PAX5: variants seen among roughly 807,000 people sequenced by gnomAD.
PAX5 encodes the protein paired box protein Pax-5.
A neutral mutation model predicts 43.7 loss-of-function variants in PAX5; 9 were observed. The observed-to-expected ratio is 0.21, with a 90% CI of 0.12 to 0.36. The LOEUF is 0.36. PAX5 is among the 10% of genes least tolerant of loss of function. PAX5 has a pLI of 1.00. For synonymous variants in PAX5, 228 were observed against 214.3 expected, an observed-to-expected ratio of 1.06 and a Z score of -0.56; for missense variants, 383 against 532.7, an observed-to-expected ratio of 0.72 and a Z score of 2.77.
At chr9:37,003,456 C>T (rs1285031703) in intron 4 of PAX5, among the ~76,000 whole-genome samples, 1 of 152,170 alleles carries the variant, frequency 6.6e-6, no homozygotes, top group African/African-American at 2.4e-5. Context: ...ATTCTGAGAA[C>T]AATCTTAGAA....
chr9:36,901,073 C>T (rs567182963), intron 7 of PAX5, among the ~76,000 whole-genome samples: 109 of 152,280 alleles, frequency 7.2e-4, no homozygotes, highest in African/African-American at 2.4e-3. Flanking sequence ...TTACAGCCAC[C>T]TGGGTCAGGT....
At chr9:36,915,172 T>G (rs1223238619) in intron 7 of PAX5, among the ~76,000 whole-genome samples, 1 of 152,230 alleles carries the variant, frequency 6.6e-6, no homozygotes, top group Non-Finnish European at 1.5e-5. Flanking sequence ...CATAAATTCC[T>G]AAAAGTACGT....
At chr9:36,924,458 G>A (rs890396641) in intron 6 of PAX5, among the ~76,000 whole-genome samples, 2 of 152,102 alleles carry the variant, frequency 1.3e-5, no homozygotes, top group Non-Finnish European at 2.9e-5. Context: ...AGTGGCTCAC[G>A]CATGTCATTC....
At chr9:37,027,535 T>A (rs895036970) in intron 1 of PAX5, among the ~76,000 whole-genome samples, 8 of 152,028 alleles carry the variant, frequency 5.3e-5, no homozygotes, top group African/African-American at 1.9e-4. Flanking sequence ...GAGCAGAGGG[T>A]CCCAGCCACC....
Position 37,034,051 on chromosome 9 carries a change from A to G in PAX5, c.-20T>C, listed in dbSNP as rs1293406702. The G allele has an allele frequency of 8.5e-7, 1 of 1,180,822 alleles. No individual in the cohort carries two copies. The highest frequency in any genetic ancestry group is 1.8e-5 in the African/African-American group (1 of 57,112). The allele number at this position is 1,180,822 out of a possible 1,614,324, so 73.1% of individuals were successfully genotyped here. Reference sequence around the variant, plus strand: ...ATCCATTTTGATTTTTCAGGACTTGATGGAATGGACAGGGAAAAGTTTCCA... The same window carrying G: ...ATCCATTTTGATTTTTCAGGACTTGGTGGAATGGACAGGGAAAAGTTTCCA... On this transcript the variant is annotated 5_prime_UTR_variant, in exon 1 of 10. Coordinates refer to ENST00000358127, the MANE Select transcript of PAX5 (RefSeq NM_016734.3).
At chr9:36,986,123 T>C (rs1205067756) in intron 5 of PAX5, among the ~76,000 whole-genome samples, 1 of 151,842 alleles carries the variant, frequency 6.6e-6, no homozygotes, top group Non-Finnish European at 1.5e-5. Context: ...TCTGCTCCGC[T>C]GCCCAGCTCC....
intron 1 of PAX5, 106 bp downstream of exon 1, chr9:37,033,880 C>T: frequency 1.4e-5 from 13 of 937,590 alleles, no homozygotes; most frequent in Non-Finnish European, 2.1e-5. Context: ...ACAGTCTCTA[C>T]GAAAATGCGG....
In PAX5 at chr9:37,015,137, G is replaced by C. The variant is rs371493752; in HGVS notation, c.270C>G (p.Val90=). The part of the protein sequence containing the change: ...PGVIGGSKPK[V]ATPKVVEKIA... ...TTTTTTCCACCACTTTGGGTGTGGC[G>C]ACCTTTGGTTTGGATCCTCCAATTA... is the stretch of plus-strand genomic sequence containing the variant. The change falls in exon 3 of 10, where the codon GTC becomes GTG. Residue 90 remains valine, a synonymous_variant. Transcript: ENST00000358127. The surrounding 1 kb of genome is among the most constrained non-coding windows in gnomAD (Gnocchi z 4.4). The C allele has an allele frequency of 2.5e-6, 4 of 1,614,136 alleles. No individual in the cohort carries two copies. In the East Asian group the frequency reaches 8.9e-5, roughly 36 times the overall value.
rs1588296385 is a variant in PAX5, at chr9:37,034,204, G to A, written c.-173C>T. On this transcript the variant is annotated 5_prime_UTR_variant, in exon 1 of 10. Transcript: ENST00000358127. ...CCGAGCTGGGGTAGCTGATCACTGA[G>A]CTGAAACTAAACGTTTTAGGTGGAA... 8.4e-6 allele frequency: 5 copies of A among 594,486 alleles called. No individual in the cohort carries two copies. The highest frequency in any genetic ancestry group is 3.1e-5 in the Admixed American group (1 of 32,542). The allele number at this position is 594,486 out of a possible 1,614,324, so 36.8% of individuals were successfully genotyped here.
chr9:36,833,922 G>A lies in PAX5; in HGVS notation c.*6638C>T, dbSNP rs1032786855. On this transcript the variant is annotated 3_prime_UTR_variant, in exon 10 of 10. Coordinates refer to ENST00000358127, the MANE Select transcript of PAX5 (RefSeq NM_016734.3). ...CTATGCAGGCATCACAAACTTTGGC[G>A]GATACAGTAGATATGTATTTCTTTG... 4 of 231,256 alleles carry A rather than the reference G, an allele frequency of 1.7e-5. No individual in the cohort carries two copies. The highest frequency in any genetic ancestry group is 6.1e-5 in the East Asian group (1 of 16,516). The allele number at this position is 231,256 out of a possible 1,614,324, so 14.3% of individuals were successfully genotyped here.
At chr9:36,984,804 C>T (rs1836258421) in intron 5 of PAX5, among the ~76,000 whole-genome samples, 1 of 152,158 alleles carries the variant, frequency 6.6e-6, no homozygotes. Flanking sequence ...CATACACACT[C>T]ACCACACTCG....
intron 7 of PAX5, among the ~76,000 whole-genome samples, chr9:36,910,586 G>A (rs1209093462): frequency 6.6e-6 from 1 of 152,218 alleles, no homozygotes. Flanking sequence ...GCTAAGGGGT[G>A]TGTTGGGCAG....
intron 7 of PAX5, among the ~76,000 whole-genome samples, chr9:36,888,656 T>C (rs935661441): frequency 2.6e-5 from 4 of 152,066 alleles, no homozygotes; most frequent in Admixed American, 2.0e-4. Context: ...AGGGAAGATA[T>C]AAAGTCTCAG....
At chr9:36,982,129 G>A (rs1002198734) in intron 5 of PAX5, among the ~76,000 whole-genome samples, 4 of 152,152 alleles carry the variant, frequency 2.6e-5, no homozygotes, top group Non-Finnish European at 4.4e-5. Context: ...GCTAGGTGTG[G>A]TGGCACACAC....
intron 5 of PAX5, among the ~76,000 whole-genome samples, chr9:36,982,739 GCTTTCACA>G (rs1836049728): frequency 6.6e-6 from 1 of 152,184 alleles, no homozygotes; most frequent in Non-Finnish European, 1.5e-5. Flanking sequence ...GGGTCACGTA[GCTTTCACA>G]CCTCCACATC....
intron 1 of PAX5, among the ~76,000 whole-genome samples, chr9:37,025,655 C>A (rs1261585544): frequency 6.6e-6 from 1 of 152,198 alleles, no homozygotes; most frequent in East Asian, 1.9e-4. Flanking sequence ...GTGAGAGGAG[C>A]GCTCATCTCA....
intron 5 of PAX5, among the ~76,000 whole-genome samples, chr9:36,996,018 C>T (rs539378007): frequency 1.3e-5 from 2 of 152,350 alleles, no homozygotes; most frequent in South Asian, 4.1e-4. Context: ...CACCTGGGGG[C>T]ACTGTTGTTC....
rs1841297179 is a variant in PAX5, at chr9:37,034,098, C to CTTTCTTTTTTTTTTTTT, written c.-68_-67insAAAAAAAAAAAAAGAAA. ...TCCACTTTTTTGTGCCTTTTTTTTT[C>CTTTCTTTTTTTTTTTTT]TTTTTTTTTTTTTTTTTTTTTTTTT... On this transcript the variant is annotated 5_prime_UTR_variant, in exon 1 of 10. Transcript: ENST00000358127. The CTTTCTTTTTTTTTTTTT allele has an allele frequency of 6.2e-5, 20 of 320,104 alleles. No homozygotes were observed. The African/African-American group carries it at 7.7e-4, about 12-fold the overall frequency. 19.8% of individuals were successfully genotyped at this position (320,104 alleles called of 1,614,324 possible).
At chr9:36,873,098 T>C (rs1825630199) in intron 8 of PAX5, among the ~76,000 whole-genome samples, 2 of 152,212 alleles carry the variant, frequency 1.3e-5, no homozygotes, top group African/African-American at 4.8e-5. Context: ...AAGGTCCAGC[T>C]CAAATGACCT....
Sources: gnomAD v4.1 joint callset for allele counts (sites outside exome capture counted in the v4.1 genomes callset) on GRCh38, gnomAD v4.1.1 for gene constraint, Gnocchi (gnomAD v3.1) non-coding constraint, MANE v1.5 for transcripts, NCBI Gene and HGNC (gene_info 2026-07-23, HGNC 2026-07-21) for gene names.